NRXN3: variants seen among roughly 807,000 people sequenced by gnomAD.
NRXN3 encodes the protein neurexin III.
Under a neutral mutation model 137.6 loss-of-function variants are expected in NRXN3, and 32 were observed. The observed-to-expected ratio is 0.23, with a 90% CI of 0.18 to 0.31. The LOEUF is 0.31. Among genes scored for constraint, NRXN3 ranks in the 10% least tolerant of loss-of-function variants. The pLI, the probability that NRXN3 is intolerant of heterozygous loss-of-function variation, is 1.00. For synonymous variants in NRXN3, 798 were observed against 784.5 expected (o/e 1.02, Z -0.29); for missense variants, 1,574 against 2,062.5 (o/e 0.76, Z 4.59).
chr14:79,397,268 C>T (rs1433467728), intron 15 of NRXN3, among the ~76,000 whole-genome samples: 1 of 152,120 alleles, frequency 6.6e-6, no homozygotes. Flanking sequence ...CTCCTTTATA[C>T]CACTGCACTG....
chr14:78,180,605 G>GTATATGGGACAAT (rs1246729405), intron 1 of NRXN3, among the ~76,000 whole-genome samples: 1 of 152,200 alleles, frequency 6.6e-6, no homozygotes, highest in Non-Finnish European at 1.5e-5. Context: ...AAAGGATGTT[G>GTATATGGGACAAT]AGACCTCTAC....
At chr14:78,285,919 G>A (rs2075113601) in intron 3 of NRXN3, among the ~76,000 whole-genome samples, 1 of 152,136 alleles carries the variant, frequency 6.6e-6, no homozygotes, top group South Asian at 2.1e-4. Flanking sequence ...TTGCCTGGCT[G>A]GGGCCCAGGA....
intron 4 of NRXN3, among the ~76,000 whole-genome samples, chr14:78,457,600 G>T (rs1598917568): frequency 6.6e-6 from 1 of 152,270 alleles, no homozygotes; most frequent in East Asian, 1.9e-4. Context: ...ATTGCACTGA[G>T]AATTAGGATT....
At chr14:79,691,865 T>A (rs2098717928) in intron 17 of NRXN3, among the ~76,000 whole-genome samples, 1 of 152,038 alleles carries the variant, frequency 6.6e-6, no homozygotes, top group African/African-American at 2.4e-5. Context: ...ACTGGCCCAA[T>A]TAAGGTGTGG....
chr14:78,325,176 C>G (rs555127850), intron 4 of NRXN3, among the ~76,000 whole-genome samples: 1 of 151,954 alleles, frequency 6.6e-6, no homozygotes, highest in Non-Finnish European at 1.5e-5. Context: ...AGACAAAGGT[C>G]CAAGGCCGTC....
At chr14:78,866,175 A>G (rs1240583061) in intron 10 of NRXN3, among the ~76,000 whole-genome samples, 2 of 152,150 alleles carry the variant, frequency 1.3e-5, no homozygotes, top group Non-Finnish European at 2.9e-5. Flanking sequence ...TCGAGATTAG[A>G]TTGTTCTTGT....
intron 15 of NRXN3, among the ~76,000 whole-genome samples, chr14:79,368,204 A>C (rs1325369749): frequency 1.3e-5 from 2 of 152,218 alleles, no homozygotes; most frequent in African/African-American, 4.8e-5. Flanking sequence ...AAGTGACTGC[A>C]TACTAAAGTT....
At chr14:79,730,751 G>T (rs1452213757) in intron 19 of NRXN3, among the ~76,000 whole-genome samples, 1 of 152,144 alleles carries the variant, frequency 6.6e-6, no homozygotes. Context: ...GAAACTTTTT[G>T]AATGCACCTG....
intron 15 of NRXN3, among the ~76,000 whole-genome samples, chr14:79,008,766 C>A (rs1381423630): frequency 4.0e-5 from 6 of 148,870 alleles, no homozygotes; most frequent in Admixed American, 2.0e-4. Flanking sequence ...TAAACTGATT[C>A]TCCTGCCTCA....
Position 78,272,946 on chromosome 14 carries a change from AC to A in NRXN3, c.710-5694del, listed in dbSNP as rs545279452. Among the ~76,000 whole-genome samples, 609 of 151,826 alleles carry A rather than the reference AC, an allele frequency of 4.0e-3. 8 individuals are homozygous for A. The highest frequency in any genetic ancestry group is 0.014 in the African/African-American group (582 of 41,374). On this transcript the variant is annotated intron_variant, in intron 2 of 20. Transcript: ENST00000335750. Reference sequence around the variant, plus strand: ...TAAACTGTCTTTTCTTCGGCAATTTACCCCCACTTTTTGTCTATTAAAAAAA... The same window carrying A: ...TAAACTGTCTTTTCTTCGGCAATTTACCCCACTTTTTGTCTATTAAAAAAA...
chr14:78,997,161 G>A (rs2099531758), intron 15 of NRXN3, among the ~76,000 whole-genome samples: 2 of 152,120 alleles, frequency 1.3e-5, no homozygotes, highest in Admixed American at 1.3e-4. Flanking sequence ...GGACTCATAG[G>A]TGACACATTG....
chr14:79,230,942 A>G (rs1825282238), intron 15 of NRXN3, among the ~76,000 whole-genome samples: 1 of 152,154 alleles, frequency 6.6e-6, no homozygotes, highest in Non-Finnish European at 1.5e-5. Flanking sequence ...AGTTACTGAG[A>G]ATGCTTCAGA....
chr14:79,680,221 C>T (rs952737062), intron 17 of NRXN3, among the ~76,000 whole-genome samples: 3 of 152,032 alleles, frequency 2.0e-5, no homozygotes, highest in African/African-American at 7.3e-5. Flanking sequence ...GCAGGCTGGG[C>T]GCAGTGGCTC....
chr14:79,552,090 G>C lies in NRXN3; in HGVS notation c.3444+84688G>C, dbSNP rs550740755. 2.0e-5 allele frequency among the ~76,000 whole-genome samples: 3 copies of C among 152,314 alleles called. No individual in the cohort carries two copies. The South Asian group carries it at 6.2e-4, about 32-fold the overall frequency. ...AGTATTCTTCAATTTGTTGATAAGA[G>C]TGCTTCAGTGCATGTATTTACAAAT... On this transcript the variant is annotated intron_variant, in intron 16 of 20. Transcript: ENST00000335750.
intron 16 of NRXN3, among the ~76,000 whole-genome samples, chr14:79,514,579 G>A (rs552093180): frequency 6.6e-5 from 10 of 152,036 alleles, no homozygotes; most frequent in Admixed American, 6.6e-4. Context: ...AGAGATGGGT[G>A]CATCATGTTG....
At chr14:79,392,115 G>T (rs944285306) in intron 15 of NRXN3, among the ~76,000 whole-genome samples, 3 of 152,072 alleles carry the variant, frequency 2.0e-5, no homozygotes, top group African/African-American at 7.2e-5. Flanking sequence ...TCTACATGAG[G>T]AATTTCTCCT....
chr14:79,094,979 A>AGAGTGTGTGTGTGTGTGT (rs553957969), intron 15 of NRXN3, among the ~76,000 whole-genome samples: 19 of 115,924 alleles, frequency 1.6e-4, no homozygotes, highest in African/African-American at 5.5e-4. Context: ...AGAGAGAGAG[A>AGAGTGTGTGTGTGTGTGT]GTGTGTGTGT....
chr14:78,743,675 C>G (rs770220081), intron 8 of NRXN3, among the ~76,000 whole-genome samples: 2 of 152,018 alleles, frequency 1.3e-5, no homozygotes, highest in African/African-American at 2.4e-5. Flanking sequence ...GACCAAGGCA[C>G]AAAATATTTG....
intron 4 of NRXN3, among the ~76,000 whole-genome samples, chr14:78,459,022 C>T (rs1369774124): frequency 6.6e-6 from 1 of 152,210 alleles, no homozygotes; most frequent in African/African-American, 2.4e-5. Flanking sequence ...AATTTGGACT[C>T]TACTCCCAGC....
Sources: gnomAD v4.1 joint callset for allele counts (sites outside exome capture counted in the v4.1 genomes callset) on GRCh38, gnomAD v4.1.1 for gene constraint, MANE v1.5 for transcripts, NCBI Gene and HGNC (gene_info 2026-07-23, HGNC 2026-07-21) for gene names.